The following NOS1 variants were observed in gnomAD, a reference collection of about 807,000 sequenced individuals.
NOS1 encodes the protein NOS type I.
NOS1 carries 51 observed loss-of-function variants against 164.5 expected under a neutral mutation model. The observed-to-expected ratio is 0.31, with a 90% CI of 0.25 to 0.39. NOS1 has a LOEUF of 0.39. Ranked by LOEUF, NOS1 falls within the 10% of genes least tolerant of loss-of-function variation. The pLI is 1.00. For missense variants in NOS1, 1,362 were observed against 1,885.6 expected (o/e 0.72, Z 5.14); for synonymous variants, 719 against 745.8 (o/e 0.96, Z 0.59).
rs1566061300 is a variant in NOS1, at chr12:117,290,412, T to C, written c.867A>G (p.Gly289=). ...YSEKEQPPTS[G]KQSPTKNGSP... ...TGCCATTCTTTGTGGGGGACTGTTTTCCTGAGGTGGGGGGCTGCAGGAGAG... is the reference window on the plus strand; with the variant it reads ...TGCCATTCTTTGTGGGGGACTGTTTCCCTGAGGTGGGGGGCTGCAGGAGAG... The change falls in exon 4 of 29, where the codon GGA becomes GGG. Residue 289 remains glycine (G), a synonymous_variant. Coordinates refer to ENST00000317775, the MANE Select transcript of NOS1 (RefSeq NM_000620.5). 1.9e-6 allele frequency: 3 copies of C among 1,612,706 alleles called. No individual in the cohort carries two copies. The highest frequency in any genetic ancestry group is 2.5e-6 in the Non-Finnish European group (3 of 1,179,290).
chr12:117,315,073 CAGAG>C (rs894504017), intron 2 of NOS1, among the ~76,000 whole-genome samples: 10 of 152,144 alleles, frequency 6.6e-5, no homozygotes, highest in African/African-American at 2.4e-4. Context: ...TTTGAATTTG[CAGAG>C]AGAGTTTCTT....
Position 117,357,517 on chromosome 12 carries a change from T to C in NOS1, c.-421+3995A>G, listed in dbSNP as rs148945915. Among the ~76,000 whole-genome samples, 321 of 152,354 alleles carry C rather than the reference T, an allele frequency of 2.1e-3. 1 individual carries two copies. The highest frequency in any genetic ancestry group is 0.01 in the Middle Eastern group (3 of 294). ...GGACAATAAGTCAAGACACTGAGGTTCTATCCCAGCTTTGGCAGTAATGTG... is the reference window on the plus strand; with the variant it reads ...GGACAATAAGTCAAGACACTGAGGTCCTATCCCAGCTTTGGCAGTAATGTG... On this transcript the variant is annotated intron_variant, in intron 1 of 28. Coordinates refer to ENST00000317775, the MANE Select transcript of NOS1 (RefSeq NM_000620.5).
At chr12:117,346,882 A>G (rs1423523349) in intron 1 of NOS1, among the ~76,000 whole-genome samples, 2 of 152,238 alleles carry the variant, frequency 1.3e-5, no homozygotes, top group Admixed American at 6.5e-5. Flanking sequence ...ACATTCTTCA[A>G]TCAGGCTCTG....
chr12:117,334,509 G>C (rs997272217), intron 1 of NOS1, among the ~76,000 whole-genome samples: 1 of 152,078 alleles, frequency 6.6e-6, no homozygotes. Context: ...CAATTCTCTA[G>C]CCTCAGCCTC....
intron 3 of NOS1, among the ~76,000 whole-genome samples, chr12:117,308,343 C>CA (rs1314618587): frequency 6.6e-6 from 1 of 152,026 alleles, no homozygotes; most frequent in Middle Eastern, 3.4e-3. Context: ...CCCGTTTCTA[C>CA]AAAAAAATAT....
chr12:117,227,315 A>G (rs1868783614), intron 23 of NOS1, 116 bp downstream of exon 23: 2 of 946,842 alleles, frequency 2.1e-6, no homozygotes, highest in Non-Finnish European at 3.2e-6. Flanking sequence ...GGTCTTGGGG[A>G]TGAGTTTCTT....
chr12:117,298,938 G>A (rs1873607649), intron 3 of NOS1, among the ~76,000 whole-genome samples: 1 of 152,174 alleles, frequency 6.6e-6, no homozygotes, highest in African/African-American at 2.4e-5. Flanking sequence ...TTATGCTATC[G>A]GCACCAGTGA....
rs1875046538 is a variant in NOS1, at chr12:117,322,770, CCT to C, written c.725+7573_725+7574del. Among the ~76,000 whole-genome samples the C allele has an allele frequency of 7.0e-5, 10 of 142,194 alleles. No individual in the cohort carries two copies. In the South Asian group the frequency reaches 2.2e-3, roughly 31 times the overall value. The allele number at this position is 142,194 out of a possible 152,430, so 93.3% of individuals were successfully genotyped here. ...CCCCACTTCCTTCCCTCCTTCCTTC[CCT>C]CTCTCCTTCCTTTCTTCCTTCCTTC... On this transcript the variant is annotated intron_variant, in intron 2 of 28. Transcript: ENST00000317775.
chr12:117,326,374 A>C (rs1458385878), intron 2 of NOS1, among the ~76,000 whole-genome samples: 1 of 145,248 alleles, frequency 6.9e-6, no homozygotes, highest in African/African-American at 2.6e-5. Flanking sequence ...TGACAAAGCG[A>C]GACTCTGTCT....
Position 117,208,362 on chromosome 12 carries a change from G to A in NOS1, c.*6947C>T. ...AGATTAGCAGCATTGAGAGCTCAGA[G>A]GTAGGGGGGACGGCCGAGTTTCTGA... On this transcript the variant is annotated 3_prime_UTR_variant, in exon 29 of 29. Transcript: ENST00000317775. 1.6e-6 allele frequency: 2 copies of A among 1,285,760 alleles called. No individual in the cohort carries two copies. Among genetic ancestry groups the A allele is most frequent in the Non-Finnish European group, 2.0e-6 (2 of 987,574 alleles). The allele number at this position is 1,285,760 out of a possible 1,614,324, so 79.6% of individuals were successfully genotyped here.
At chr12:117,250,572 A>G (rs1271246582) in intron 17 of NOS1, among the ~76,000 whole-genome samples, 1 of 152,086 alleles carries the variant, frequency 6.6e-6, no homozygotes, top group Non-Finnish European at 1.5e-5. Flanking sequence ...CAGGTGATCC[A>G]CACACCTTGG....
At chr12:117,284,775 C>T (rs1592987799) in intron 7 of NOS1, among the ~76,000 whole-genome samples, 1 of 152,146 alleles carries the variant, frequency 6.6e-6, no homozygotes, top group East Asian at 1.9e-4. Flanking sequence ...CGGGGCTGGG[C>T]GTGGTGGCTC....
In NOS1 at chr12:117,210,888, C is replaced by G. The variant is rs1956516648; in HGVS notation, c.*4421G>C. 1.0e-6 allele frequency: 1 copy of G among 985,412 alleles called. No homozygotes were observed. The highest frequency in any genetic ancestry group is 1.2e-6 in the Non-Finnish European group (1 of 829,940). 61.0% of individuals were successfully genotyped at this position (985,412 alleles called of 1,614,324 possible). A position where few individuals can be genotyped will look rare whatever the true frequency, so the allele number is the denominator to read the frequency against. ...TATCACATCAGCTCTGAAAACTCAT[C>G]TTTTCCCTGAGCCTGCTCTTCAGAG... On this transcript the variant is annotated 3_prime_UTR_variant, in exon 29 of 29. Coordinates refer to ENST00000317775, the MANE Select transcript of NOS1 (RefSeq NM_000620.5).
At chr12:117,242,979 G>T (rs1253488831) in intron 19 of NOS1, among the ~76,000 whole-genome samples, 3 of 152,226 alleles carry the variant, frequency 2.0e-5, no homozygotes, top group Non-Finnish European at 4.4e-5. Context: ...ACAGAAGAGA[G>T]GAGATGAGGC....
Position 117,330,302 on chromosome 12 carries a change from A to G in NOS1, c.725+43T>C, listed in dbSNP as rs1490084533. On this transcript the variant is annotated intron_variant, in intron 2 of 28. Transcript: ENST00000317775. The surrounding 1 kb of genome is among the most constrained non-coding windows in gnomAD (Gnocchi z 4.6). ...CGCACATGCACACACACAAGCATGC[A>G]CACACACACACACACACACACACAC... is the stretch of plus-strand genomic sequence containing the variant. 3.3e-6 allele frequency: 3 copies of G among 907,040 alleles called. No homozygotes were observed. The highest frequency in any genetic ancestry group is 4.7e-6 in the Non-Finnish European group (3 of 639,290). The allele number at this position is 907,040 out of a possible 1,614,324, so 56.2% of individuals were successfully genotyped here.
intron 26 of NOS1, among the ~76,000 whole-genome samples, chr12:117,221,239 G>A (rs941568719): frequency 5.3e-5 from 8 of 150,820 alleles, no homozygotes; most frequent in East Asian, 2.0e-4. Flanking sequence ...TACAACCTCC[G>A]CCTCCCAGGT....
intron 2 of NOS1, among the ~76,000 whole-genome samples, chr12:117,319,330 C>T (rs766634139): frequency 1.2e-4 from 18 of 152,190 alleles, no homozygotes; most frequent in Non-Finnish European, 2.5e-4. Flanking sequence ...GGATTACAGG[C>T]GTGAGCCCCC....
At chr12:117,286,324 T>C (rs1874115767) in intron 5 of NOS1, 58 bp from the exon 6 acceptor site, 2 of 1,578,614 alleles carry the variant, frequency 1.3e-6, no homozygotes, top group Admixed American at 1.7e-5. Context: ...TAGAAGTTAG[T>C]GGAAGGGGAG....
rs146701658 is a variant in NOS1, at chr12:117,210,913, G to C, written c.*4396C>G. 2.6e-4 allele frequency: 258 copies of C among 985,174 alleles called. 1 individual carries two copies. In the African/African-American group the frequency reaches 4.4e-3, roughly 17 times the overall value. 61.0% of individuals were successfully genotyped at this position (985,174 alleles called of 1,614,324 possible). ...CTTTTCCCTGAGCCTGCTCTTCAGA[G>C]ACCTCTCTCTCAGCTAGGGGCAAGA... On this transcript the variant is annotated 3_prime_UTR_variant, in exon 29 of 29. Transcript: ENST00000317775.
Sources: gnomAD v4.1 joint callset for allele counts (sites outside exome capture counted in the v4.1 genomes callset) on GRCh38, gnomAD v4.1.1 for gene constraint, Gnocchi (gnomAD v3.1) non-coding constraint, MANE v1.5 for transcripts, NCBI Gene and HGNC (gene_info 2026-07-23, HGNC 2026-07-21) for gene names.